Variants in EMID1 observed in about 807,000 individuals in gnomAD.
EMID1 encodes the protein EMI domain containing 1.
Under a neutral mutation model 60.6 loss-of-function variants are expected in EMID1, and 40 were observed. That is an observed-to-expected ratio of 0.66 (90% confidence interval 0.51 to 0.86). The LOEUF is 0.86. EMID1 is among the 40% of genes least tolerant of loss of function. The pLI is 0.00. For synonymous variants in EMID1, 242 were observed against 231.0 expected, an observed-to-expected ratio of 1.05 and a Z score of -0.43; for missense variants, 585 against 597.1, an observed-to-expected ratio of 0.98 and a Z score of 0.21.
At chr22:29,245,291 T>G (rs748983300) in intron 13 of EMID1, among the ~76,000 whole-genome samples, 7 of 152,192 alleles carry the variant, frequency 4.6e-5, no homozygotes, top group Admixed American at 6.5e-5. Context: ...GGCTAATTAC[T>G]GGCCTCTCCC....
At chr22:29,242,438 A>T (rs576203349) in intron 12 of EMID1, among the ~76,000 whole-genome samples, 2 of 152,306 alleles carry the variant, frequency 1.3e-5, no homozygotes, top group East Asian at 3.9e-4. Context: ...ATTTCAGTAG[A>T]TTCTTTAACA....
intron 13 of EMID1, among the ~76,000 whole-genome samples, chr22:29,249,943 T>C (rs539876623): frequency 6.6e-6 from 1 of 152,206 alleles, no homozygotes; most frequent in Non-Finnish European, 1.5e-5. Flanking sequence ...GCTCTTTTTT[T>C]CCAAAGTCCA....
At chr22:29,224,733 G>A (rs1601942669) in intron 3 of EMID1, among the ~76,000 whole-genome samples, 1 of 152,346 alleles carries the variant, frequency 6.6e-6, no homozygotes. Flanking sequence ...ACCCCAGCCT[G>A]GGAGGTTTAG....
At chr22:29,257,469 T>G (rs990005972) in intron 14 of EMID1, among the ~76,000 whole-genome samples, 2 of 152,158 alleles carry the variant, frequency 1.3e-5, no homozygotes, top group Non-Finnish European at 2.9e-5. Flanking sequence ...CTCCTGTGAC[T>G]GCTTCAGAGT....
chr22:29,255,190 T>G, intron 14 of EMID1: 5 of 113,072 alleles, frequency 4.4e-5, no homozygotes, highest in East Asian at 2.5e-4. Flanking sequence ...GGCAGTGCCC[T>G]CCCACCCTCC....
chr22:29,229,152 G>C (rs552393607), intron 5 of EMID1, among the ~76,000 whole-genome samples: 72 of 151,252 alleles, frequency 4.8e-4, no homozygotes, highest in Admixed American at 5.9e-4. Context: ...GACCAGCCTG[G>C]GCAACATAGC....
intron 5 of EMID1, 24 bp from the exon 6 acceptor site, chr22:29,230,996 C>G: frequency 6.2e-7 from 1 of 1,606,596 alleles, no homozygotes; most frequent in Non-Finnish European, 8.5e-7. Flanking sequence ...CTGGTACCCA[C>G]CCCGTCCCTG....
intron 13 of EMID1, chr22:29,253,948 C>T: frequency 1.6e-5 from 16 of 985,424 alleles, no homozygotes; most frequent in Non-Finnish European, 1.9e-5. Context: ...GATTTGCGGC[C>T]TTGTCAGAGA....
rs929572085 is a variant in EMID1 at position 29,216,508 on chromosome 22, G to C, written c.319+878G>C. On this transcript the variant is annotated intron_variant, in intron 3 of 14. Coordinates refer to ENST00000334018, the MANE Select transcript of EMID1 (RefSeq NM_133455.4). Reference sequence around the variant, plus strand: ...AGCTCAAGGGACAGAAGCATTCAGGGCCCCCACAGCAGCACATGAACGTGA... The same window carrying C: ...AGCTCAAGGGACAGAAGCATTCAGGCCCCCCACAGCAGCACATGAACGTGA... The C allele has an allele frequency of 1.0e-5, 10 of 985,310 alleles. No individual in the cohort carries two copies. The African/African-American group carries it at 1.7e-4, about 17-fold the overall frequency. The allele number at this position is 985,310 out of a possible 1,614,324, so 61.0% of individuals were successfully genotyped here. A position where few individuals can be genotyped will look rare whatever the true frequency, so the allele number is the denominator to read the frequency against.
chr22:29,233,279 C>T, intron 8 of EMID1, 100 bp from the exon 9 acceptor site: 1 of 1,273,132 alleles, frequency 7.9e-7, no homozygotes, highest in Non-Finnish European at 1.1e-6. Context: ...CTGCAGGCTG[C>T]CCCATAGGGC....
chr22:29,221,173 C>G (rs1161206972), intron 3 of EMID1, among the ~76,000 whole-genome samples: 1 of 149,918 alleles, frequency 6.7e-6, no homozygotes, highest in Non-Finnish European at 1.5e-5. Flanking sequence ...CACAGTCAGG[C>G]TCCCAGAGTG....
At chr22:29,210,635 C>G (rs530669501) in intron 1 of EMID1, among the ~76,000 whole-genome samples, 1 of 152,240 alleles carries the variant, frequency 6.6e-6, no homozygotes, top group African/African-American at 2.4e-5. Flanking sequence ...TGAGCTGAAA[C>G]GATCCTCATC....
chr22:29,214,929 C>A lies in EMID1; in HGVS notation c.105C>A (p.Asn35Lys). Residue 35 changes from asparagine to lysine, a missense_variant, in exon 2 of 15, where the codon AAC (asparagine) becomes AAA (lysine). Physicochemically the swap from Asn to Lys is moderately conservative, Grantham distance 94. Coordinates refer to ENST00000334018, the MANE Select transcript of EMID1 (RefSeq NM_133455.4). ...IGAAPFSGRR[N>K]WCSYVVTRTI... ...CCTCTCTTTGGGTCTGTTTCAGGAA[C>A]TGGTGCTCCTATGTGGTGACCCGCA... 3.3e-6 allele frequency: 5 copies of A among 1,525,116 alleles called. No individual in the cohort carries two copies. Among genetic ancestry groups the A allele is most frequent in the Non-Finnish European group, 4.4e-6 (5 of 1,127,788 alleles). The allele number at this position is 1,525,116 out of a possible 1,614,324, so 94.5% of individuals were successfully genotyped here.
At chr22:29,209,876 T>C (rs1296601323) in intron 1 of EMID1, among the ~76,000 whole-genome samples, 2 of 152,098 alleles carry the variant, frequency 1.3e-5, no homozygotes, top group East Asian at 3.9e-4. Flanking sequence ...TGCAGGGCTA[T>C]AGGGAGTCAT....
intron 3 of EMID1, among the ~76,000 whole-genome samples, chr22:29,218,062 C>T (rs1383560627): frequency 6.6e-6 from 1 of 152,216 alleles, no homozygotes; most frequent in African/African-American, 2.4e-5. Context: ...CTTCTCCTCT[C>T]TGAACCTTGG....
intron 13 of EMID1, among the ~76,000 whole-genome samples, chr22:29,246,631 G>A (rs1426703746): frequency 1.3e-5 from 2 of 152,168 alleles, no homozygotes; most frequent in East Asian, 1.9e-4. Context: ...GTGGACCAAC[G>A]GGAGGAGTCT....
At position 29,231,590 on chromosome 22, in the gene EMID1, C is replaced by G. The variant is rs369751814; in HGVS notation, c.587-3C>G. 3.7e-5 allele frequency: 57 copies of G among 1,543,626 alleles called. 1 individual carries two copies. The highest frequency in any genetic ancestry group is 4.8e-5 in the South Asian group (4 of 82,828). The stretch of plus-strand genomic sequence containing the variant: ...TGCCAGTCTGATATGCTTTACCCCC[C>G]AGACCAAGTCGGTGCTTGGGGGCTT... On this transcript the variant is annotated splice_region_variant and splice_polypyrimidine_tract_variant and intron_variant, in intron 6 of 14. Transcript: ENST00000334018.
chr22:29,246,513 C>T (rs2146400834), intron 13 of EMID1, among the ~76,000 whole-genome samples: 1 of 152,184 alleles, frequency 6.6e-6, no homozygotes, highest in African/African-American at 2.4e-5. Flanking sequence ...GTCGATGGAG[C>T]AAAAAGACAC....
intron 5 of EMID1, 26 bp downstream of exon 5, chr22:29,226,577 GGTT>G: frequency 1.9e-6 from 3 of 1,603,680 alleles, no homozygotes; most frequent in East Asian, 2.3e-5. Context: ...CCTCCTGGGT[GGTT>G]GTTCCCTGCC....
Sources: allele counts gnomAD v4.1 joint callset (sites outside exome capture counted in the v4.1 genomes callset), GRCh38; gene constraint gnomAD v4.1.1; transcripts MANE v1.5; gene names NCBI Gene and HGNC (gene_info 2026-07-23, HGNC 2026-07-21).